TIGD5: variants seen among roughly 807,000 people sequenced by gnomAD.
The protein encoded by TIGD5 is tigger transposable element derived 5.
TIGD5 carries 24 observed loss-of-function variants against 28.8 expected under a neutral mutation model. That is an observed-to-expected ratio of 0.83 (90% confidence interval 0.60 to 1.17). TIGD5 has a LOEUF of 1.17. Among genes scored for constraint, TIGD5 ranks in the 50% most tolerant of loss-of-function variants. TIGD5 has a pLI of 0.00. For synonymous variants in TIGD5, 538 were observed against 430.5 expected, an observed-to-expected ratio of 1.25 and a Z score of -3.09; for missense variants, 922 against 911.4, an observed-to-expected ratio of 1.01 and a Z score of -0.15.
rs1446233442 is a variant in TIGD5 at position 143,598,387 on chromosome 8, G to A, written c.484G>A (p.Glu162Lys). The A allele has an allele frequency of 4.5e-6, 7 of 1,557,876 alleles. No individual in the cohort carries two copies. The African/African-American group carries it at 6.9e-5, about 15-fold the overall frequency. The change falls in exon 1 of 1, where the codon GAG becomes AAG. Residue 162 changes from glutamate (E) to lysine (K), a missense_variant. Glu to Lys is a moderately conservative substitution (Grantham distance 56, BLOSUM62 1). Transcript: ENST00000504548. The surrounding 1 kb of genome is among the most constrained non-coding windows in gnomAD (Gnocchi z 6.6). Reference protein sequence around the residue: ...EAFARQIYGPECTFKASHGWF... With the variant: ...EAFARQIYGPKCTFKASHGWF... ...CTTCGCGCGCCAGATCTACGGGCCC[G>A]AGTGCACCTTCAAGGCCAGCCACGG...
rs913889613 is a variant in TIGD5, at chr8:143,600,176, C to G, written c.*344C>G. ...TCCGCCCCTGCACCAGTCACATGCA[C>G]TGGACGAGGGCCGAAACTCCTGTCT... On this transcript the variant is annotated 3_prime_UTR_variant, in exon 1 of 1. Coordinates refer to ENST00000504548, the MANE Select transcript of TIGD5 (RefSeq NM_032862.5). The G allele has an allele frequency of 3.2e-6, 1 of 310,078 alleles. No individual in the cohort carries two copies. The highest frequency in any genetic ancestry group is 5.9e-6 in the Non-Finnish European group (1 of 169,184). 19.2% of individuals were successfully genotyped at this position (310,078 alleles called of 1,614,324 possible).
rs1320611668 is a variant in TIGD5, at chr8:143,600,644, G to A, written c.*812G>A. On this transcript the variant is annotated 3_prime_UTR_variant, in exon 1 of 1. Coordinates refer to ENST00000504548, the MANE Select transcript of TIGD5 (RefSeq NM_032862.5). ...ATTCTGTCCAGTCCCAGGGCCTGGAGCCACCTGACTTACCTGGAAGCAGGC... is the reference window on the plus strand; with the variant it reads ...ATTCTGTCCAGTCCCAGGGCCTGGAACCACCTGACTTACCTGGAAGCAGGC... 6.6e-6 allele frequency: 1 copy of A among 152,050 alleles called. No individual in the cohort carries two copies. Among genetic ancestry groups the A allele is most frequent in the Non-Finnish European group, 1.5e-5 (1 of 68,002 alleles). 9.4% of individuals were successfully genotyped at this position (152,050 alleles called of 1,614,324 possible).
At position 143,599,039 on chromosome 8, in the gene TIGD5, T is replaced by G. The variant is rs1406802341; in HGVS notation, c.1136T>G (p.Val379Gly). ...MPALDSEDAP[V>G]RCRPEPLGPP... is the part of the protein sequence containing the mutation. ...GCCCTGGACAGCGAGGATGCCCCCG[T>G]GCGGTGCAGGCCGGAGCCCCTCGGT... Residue 379 changes from valine (V) to glycine (G), a missense_variant, in exon 1 of 1, where the codon GTG (valine) becomes GGG (glycine). By Grantham distance (109) the Val-to-Gly change is moderately radical (BLOSUM62 -3). Coordinates refer to ENST00000504548, the MANE Select transcript of TIGD5 (RefSeq NM_032862.5). 6.4e-7 allele frequency: 1 copy of G among 1,570,156 alleles called. No homozygotes were observed. Among genetic ancestry groups the G allele is most frequent in the Admixed American group, 1.8e-5 (1 of 55,828 alleles).
Position 143,600,294 on chromosome 8 carries a change from A to G in TIGD5, c.*462A>G, listed in dbSNP as rs913941718. ...ACTTGATTCTATTTTTTTTTAACAC[A>G]TTAAATCTGTTTTTAAAGATACTCT... is the stretch of plus-strand genomic sequence containing the variant. On this transcript the variant is annotated 3_prime_UTR_variant, in exon 1 of 1. Transcript: ENST00000504548. The G allele has an allele frequency of 6.2e-6, 1 of 161,616 alleles. No homozygotes were observed. Among genetic ancestry groups the G allele is most frequent in the Non-Finnish European group, 1.3e-5 (1 of 74,944 alleles). 10.0% of individuals were successfully genotyped at this position (161,616 alleles called of 1,614,324 possible). A position where few individuals can be genotyped will look rare whatever the true frequency, so the allele number is the denominator to read the frequency against.
Position 143,600,063 on chromosome 8 carries a change from G to A in TIGD5, c.*231G>A. ...AGAGGCCTGGCCCATGCTCCTCTCA[G>A]GGCAGGCACATGTACGGGGCATACA... On this transcript the variant is annotated 3_prime_UTR_variant, in exon 1 of 1. Coordinates refer to ENST00000504548, the MANE Select transcript of TIGD5 (RefSeq NM_032862.5). 4.6e-6 allele frequency: 2 copies of A among 435,122 alleles called. No homozygotes were observed. The highest frequency in any genetic ancestry group is 5.8e-4 in the Middle Eastern group (1 of 1,714). 27.0% of individuals were successfully genotyped at this position (435,122 alleles called of 1,614,324 possible). A position where few individuals can be genotyped will look rare whatever the true frequency, so the allele number is the denominator to read the frequency against.
At position 143,597,865 on chromosome 8, in the gene TIGD5, C is replaced by T. The variant is rs1047084221; in HGVS notation, c.-39C>T. 7 of 701,526 alleles carry T rather than the reference C, an allele frequency of 1.0e-5. No homozygotes were observed. Among genetic ancestry groups the T allele is most frequent in the African/African-American group, 1.9e-5 (1 of 51,442 alleles). The allele number at this position is 701,526 out of a possible 1,614,324, so 43.5% of individuals were successfully genotyped here. On this transcript the variant is annotated 5_prime_UTR_variant, in exon 1 of 1. Transcript: ENST00000504548. ...GCCCCGAGCGGCTGGGCGTGTGGCT[C>T]CCGCGACCCGCGCGGCCCGGGTCCC...
At position 143,601,613 on chromosome 8, in the gene TIGD5, G is replaced by A. The variant is rs575606629; in HGVS notation, c.*1781G>A. 3 of 152,416 alleles carry A rather than the reference G, an allele frequency of 2.0e-5. No individual in the cohort carries two copies. The East Asian group carries it at 5.8e-4, about 29-fold the overall frequency. The allele number at this position is 152,416 out of a possible 1,614,324, so 9.4% of individuals were successfully genotyped here. A position where few individuals can be genotyped will look rare whatever the true frequency, so the allele number is the denominator to read the frequency against. Reference sequence around the variant, plus strand: ...CTGCCCTTCAGCCCAACTACTCATTGCCGCTGCGTCTTTGGCGAGGCTTTC... The same window carrying A: ...CTGCCCTTCAGCCCAACTACTCATTACCGCTGCGTCTTTGGCGAGGCTTTC... On this transcript the variant is annotated 3_prime_UTR_variant, in exon 1 of 1. Coordinates refer to ENST00000504548, the MANE Select transcript of TIGD5 (RefSeq NM_032862.5).
In TIGD5 at chr8:143,598,581, G is replaced by A. The variant is rs925500493; in HGVS notation, c.678G>A (p.Pro226=). 20 of 1,176,220 alleles carry A rather than the reference G, an allele frequency of 1.7e-5. No individual in the cohort carries two copies. Among genetic ancestry groups the A allele is most frequent in the Admixed American group, 1.0e-4 (2 of 19,526 alleles). The allele number at this position is 1,176,220 out of a possible 1,614,324, so 72.9% of individuals were successfully genotyped here. A position where few individuals can be genotyped will look rare whatever the true frequency, so the allele number is the denominator to read the frequency against. Residue 226 remains proline (P), a synonymous_variant, in exon 1 of 1, where the codon CCG becomes CCA. Coordinates refer to ENST00000504548, the MANE Select transcript of TIGD5 (RefSeq NM_032862.5). This position sits in a 1 kb window ranked among gnomAD's most constrained non-coding sequence, Gnocchi z 6.6. ...LPDRAPAPPP[P]AEGGYGDEQI... ...ACCGCGCCCCGGCCCCGCCGCCCCCGGCCGAGGGCGGCTACGGGGACGAGC... is the reference window on the plus strand; with the variant it reads ...ACCGCGCCCCGGCCCCGCCGCCCCCAGCCGAGGGCGGCTACGGGGACGAGC...
Position 143,599,259 on chromosome 8 carries a change from C to T in TIGD5, c.1356C>T (p.Phe452=), listed in dbSNP as rs1564007604. The T allele has an allele frequency of 1.2e-6, 2 of 1,611,644 alleles. No individual in the cohort carries two copies. Among genetic ancestry groups the T allele is most frequent in the African/African-American group, 2.7e-5 (2 of 75,050 alleles). ...SGSPLDFMRS[F]MLKDMLYLAG... is the part of the protein sequence containing the mutation. ...CCCCGCTGGACTTCATGCGCAGCTT[C>T]ATGCTCAAGGACATGCTCTACCTGG... Residue 452 remains phenylalanine (F), a synonymous_variant, in exon 1 of 1, where the codon TTC becomes TTT. Coordinates refer to ENST00000504548, the MANE Select transcript of TIGD5 (RefSeq NM_032862.5).
rs1587274403 is a variant in TIGD5, at chr8:143,598,449, C to T, written c.546C>T (p.Ser182=). ...FWRWQKRHGI[S]SQRFYGEAGP... ...GCTGGCAGAAGCGCCACGGCATCTC[C>T]AGCCAGCGCTTCTACGGCGAGGCCG... is the stretch of plus-strand genomic sequence containing the variant. Residue 182 remains serine, a synonymous_variant, in exon 1 of 1, where the codon TCC becomes TCT. Transcript: ENST00000504548. The surrounding 1 kb of genome is among the most constrained non-coding windows in gnomAD (Gnocchi z 6.6). The T allele has an allele frequency of 1.3e-6, 2 of 1,484,146 alleles. No individual in the cohort carries two copies. Among genetic ancestry groups the T allele is most frequent in the East Asian group, 2.8e-5 (1 of 36,270 alleles). 91.9% of individuals were successfully genotyped at this position (1,484,146 alleles called of 1,614,324 possible).
rs751790358 is a variant in TIGD5, at chr8:143,599,540, G to C, written c.1637G>C (p.Arg546Thr). The C allele has an allele frequency of 5.1e-6, 8 of 1,577,042 alleles. No individual in the cohort carries two copies. In the African/African-American group the frequency reaches 5.4e-5, roughly 11 times the overall value. The change falls in exon 1 of 1, where the codon AGG becomes ACG. Residue 546 changes from arginine (R) to threonine (T), a missense_variant. By Grantham distance (71) the Arg-to-Thr change is moderately conservative (BLOSUM62 -1). Transcript: ENST00000504548. Reference protein sequence around the residue: ...DDDGGPPEGCREEVGPALPPA... With the variant: ...DDDGGPPEGCTEEVGPALPPA... Reference sequence around the variant, plus strand: ...GATGGGGGTCCGCCCGAGGGCTGCAGGGAGGAGGTGGGCCCAGCCCTGCCC... The same window carrying C: ...GATGGGGGTCCGCCCGAGGGCTGCACGGAGGAGGTGGGCCCAGCCCTGCCC...
Position 143,598,820 on chromosome 8 carries a change from A to G in TIGD5, c.917A>G (p.His306Arg), listed in dbSNP as rs761667721. ...CCGGACCCGCCCAGCCTGCGCCACC[A>G]CAACCAGGACAAGTTCCCGGCCTCC... is the stretch of plus-strand genomic sequence containing the variant. ...RLPDPPSLRH[H>R]NQDKFPASYR... The change falls in exon 1 of 1, where the codon CAC (histidine) becomes CGC (arginine). Residue 306 changes from histidine (H) to arginine (R), a missense_variant. Physicochemically the swap from His to Arg is conservative, Grantham distance 29. Transcript: ENST00000504548. The surrounding 1 kb of genome is among the most constrained non-coding windows in gnomAD (Gnocchi z 6.6). The G allele has an allele frequency of 2.9e-5, 46 of 1,600,950 alleles. No individual in the cohort carries two copies. The highest frequency in any genetic ancestry group is 3.9e-5 in the Non-Finnish European group (46 of 1,179,556).
In TIGD5 at chr8:143,601,897, C is replaced by T. The variant is rs1213667805; in HGVS notation, c.*2065C>T. 1 of 152,130 alleles carries T rather than the reference C, an allele frequency of 6.6e-6. No individual in the cohort carries two copies. The highest frequency in any genetic ancestry group is 1.5e-5 in the Non-Finnish European group (1 of 68,038). 9.4% of individuals were successfully genotyped at this position (152,130 alleles called of 1,614,324 possible). On this transcript the variant is annotated 3_prime_UTR_variant, in exon 1 of 1. Transcript: ENST00000504548. ...ATCACCTGAGATTGGGAGTTCGAGACCAGCCTGGCCAACATGGTGAAAACC... is the reference window on the plus strand; with the variant it reads ...ATCACCTGAGATTGGGAGTTCGAGATCAGCCTGGCCAACATGGTGAAAACC...
chr8:143,598,310 G>A lies in TIGD5; in HGVS notation c.407G>A (p.Arg136His), dbSNP rs1245883980. Residue 136 changes from arginine to histidine, a missense_variant, in exon 1 of 1, where the codon CGC becomes CAC. By Grantham distance (29) the Arg-to-His change is conservative. Transcript: ENST00000504548. The surrounding 1 kb of genome is among the most constrained non-coding windows in gnomAD (Gnocchi z 6.6). The part of the protein sequence containing the change: ...RAVYAWFLAL[R>H]QHGVPLSGPL... ...GTGTACGCCTGGTTCCTGGCGCTGC[G>A]CCAGCACGGGGTGCCGCTGTCTGGC... 2.5e-6 allele frequency: 4 copies of A among 1,608,682 alleles called. No individual in the cohort carries two copies. The highest frequency in any genetic ancestry group is 3.4e-6 in the Non-Finnish European group (4 of 1,178,486).
chr8:143,599,625 G>T lies in TIGD5; in HGVS notation c.1722G>T (p.Glu574Asp), dbSNP rs1167018689. Residue 574 changes from glutamate to aspartate, a missense_variant, in exon 1 of 1, where the codon GAG becomes GAT. By Grantham distance (45) the Glu-to-Asp change is conservative. Coordinates refer to ENST00000504548, the MANE Select transcript of TIGD5 (RefSeq NM_032862.5). ...CTGCCATGGGGGGCGGAGAGGACGAGGAGGAGGCCACCGACTATGGAGGGA... is the reference window on the plus strand; with the variant it reads ...CTGCCATGGGGGGCGGAGAGGACGATGAGGAGGCCACCGACTATGGAGGGA... ...LPSAMGGGED[E>D]EEATDYGGTS... 1 of 1,525,458 alleles carries T rather than the reference G, an allele frequency of 6.6e-7. No individual in the cohort carries two copies. Among genetic ancestry groups the T allele is most frequent in the South Asian group, 1.3e-5 (1 of 77,066 alleles). 94.5% of individuals were successfully genotyped at this position (1,525,458 alleles called of 1,614,324 possible).
rs915994383 is a variant in TIGD5, at chr8:143,601,228, T to C, written c.*1396T>C. 10 of 152,060 alleles carry C rather than the reference T, an allele frequency of 6.6e-5. No homozygotes were observed. The highest frequency in any genetic ancestry group is 2.2e-4 in the African/African-American group (9 of 41,382). 9.4% of individuals were successfully genotyped at this position (152,060 alleles called of 1,614,324 possible). A position where few individuals can be genotyped will look rare whatever the true frequency, so the allele number is the denominator to read the frequency against. Reference sequence around the variant, plus strand: ...GCAAGTGAAGAAATATATACATATATATGTATATATCTATATCTCAAAATC... The same window carrying C: ...GCAAGTGAAGAAATATATACATATACATGTATATATCTATATCTCAAAATC... On this transcript the variant is annotated 3_prime_UTR_variant, in exon 1 of 1. Transcript: ENST00000504548.
In TIGD5 at chr8:143,598,044, C is replaced by G. The variant is rs563111625; in HGVS notation, c.141C>G (p.Ala47=). Residue 47 remains alanine, a synonymous_variant, in exon 1 of 1, where the codon GCC becomes GCG. Coordinates refer to ENST00000504548, the MANE Select transcript of TIGD5 (RefSeq NM_032862.5). This position sits in a 1 kb window ranked among gnomAD's most constrained non-coding sequence, Gnocchi z 6.6. ...PPAPGPRPRV[A]VKMAFRKAYS... The stretch of plus-strand genomic sequence containing the variant: ...CGCCCGGGCCGCGGCCCCGCGTGGC[C>G]GTGAAGATGGCCTTCCGCAAGGCCT... 7.4e-6 allele frequency: 10 copies of G among 1,358,980 alleles called. No individual in the cohort carries two copies. Among genetic ancestry groups the G allele is most frequent in the Non-Finnish European group, 9.5e-6 (10 of 1,057,652 alleles). The allele number at this position is 1,358,980 out of a possible 1,614,324, so 84.2% of individuals were successfully genotyped here.
rs1829188370 is a variant in TIGD5 at position 143,599,066 on chromosome 8, C to T, written c.1163C>T (p.Pro388Leu). The change falls in exon 1 of 1, where the codon CCC (proline) becomes CTC (leucine). Residue 388 changes from proline to leucine, a missense_variant. By Grantham distance (98) the Pro-to-Leu change is moderately conservative. Coordinates refer to ENST00000504548, the MANE Select transcript of TIGD5 (RefSeq NM_032862.5). ...CGGTGCAGGCCGGAGCCCCTCGGTC[C>T]CCCGGAGGAGCTGCAGACACCGGAT... is the stretch of plus-strand genomic sequence containing the variant. ...PVRCRPEPLG[P>L]PEELQTPDGA... 5.1e-6 allele frequency: 8 copies of T among 1,572,764 alleles called. No individual in the cohort carries two copies. The highest frequency in any genetic ancestry group is 6.9e-6 in the Non-Finnish European group (8 of 1,162,816).
chr8:143,599,661 G>A lies in TIGD5; in HGVS notation c.1758G>A (p.Pro586=), dbSNP rs775057756. 5.9e-6 allele frequency: 9 copies of A among 1,518,814 alleles called. No individual in the cohort carries two copies. Among genetic ancestry groups the A allele is most frequent in the Non-Finnish European group, 5.3e-6 (6 of 1,136,868 alleles). 94.1% of individuals were successfully genotyped at this position (1,518,814 alleles called of 1,614,324 possible). A position where few individuals can be genotyped will look rare whatever the true frequency, so the allele number is the denominator to read the frequency against. Residue 586 remains proline (P), a synonymous_variant, in exon 1 of 1, where the codon CCG becomes CCA. Transcript: ENST00000504548. The part of the protein sequence containing the change: ...EATDYGGTSV[P]TAGEAVRGLE... Reference sequence around the variant, plus strand: ...CCGACTATGGAGGGACCTCAGTGCCGACTGCCGGGGAGGCCGTGCGGGGGC... The same window carrying A: ...CCGACTATGGAGGGACCTCAGTGCCAACTGCCGGGGAGGCCGTGCGGGGGC...
Sources: allele counts gnomAD v4.1 joint callset, GRCh38; gene constraint gnomAD v4.1.1; non-coding constraint Gnocchi (gnomAD v3.1); transcripts MANE v1.5; gene names NCBI Gene and HGNC (gene_info 2026-07-23, HGNC 2026-07-21).